RBM15: variants seen among roughly 807,000 people sequenced by gnomAD.
RBM15 encodes the protein RNA-binding protein 15.
A neutral mutation model predicts 62.6 loss-of-function variants in RBM15; 8 were observed. The ratio of observed to expected loss-of-function variants is 0.13; its 90% CI spans 0.07 to 0.23. The LOEUF (loss-of-function observed/expected upper bound fraction) is 0.23. Ranked by LOEUF, RBM15 falls within the 10% of genes least tolerant of loss-of-function variation. RBM15 has a pLI of 1.00. For synonymous variants in RBM15, 606 were observed against 505.7 expected (o/e 1.20, Z -2.66); for missense variants, 1,144 against 1,286.5 (o/e 0.89, Z 1.69).
Position 110,346,292 on chromosome 1 carries a change from T to TC in RBM15, c.*41-9dup, listed in dbSNP as rs759819138. The TC allele has an allele frequency of 6.9e-6, 11 of 1,596,116 alleles. No individual in the cohort carries two copies. The highest frequency in any genetic ancestry group is 6.7e-5 in the Admixed American group (4 of 59,864). On this transcript the variant is annotated splice_polypyrimidine_tract_variant and intron_variant, in intron 2 of 2. Transcript: ENST00000369784. ...ACATTTGTACTGAATAACCTTTTTTTCCCCCCCTCCGCAAGCAAAACTGGT... is the reference window on the plus strand; with the variant it reads ...ACATTTGTACTGAATAACCTTTTTTTCCCCCCCCTCCGCAAGCAAAACTGGT...
chr1:110,339,921 G>A lies in RBM15; in HGVS notation c.516G>A (p.Leu172=). ...GGGACGGCGCGGAATACAAGACTCT[G>A]AAGATAAGCGAGTTGGGGTCCCAGC... ...GGGDGAEYKT[L]KISELGSQLS... Residue 172 remains leucine (L), a synonymous_variant, in exon 1 of 3, where the codon CTG becomes CTA. Coordinates refer to ENST00000369784, the MANE Select transcript of RBM15 (RefSeq NM_022768.5). 1 of 1,613,758 alleles carries A rather than the reference G, an allele frequency of 6.2e-7. No individual in the cohort carries two copies. Among genetic ancestry groups the A allele is most frequent in the Non-Finnish European group, 8.5e-7 (1 of 1,179,644 alleles).
intron 1 of RBM15, 54 bp from the exon 2 acceptor site, chr1:110,345,485 G>A (rs1660878693): frequency 1.5e-6 from 2 of 1,315,974 alleles, no homozygotes; most frequent in Admixed American, 3.5e-5. Context: ...CCTTTTATGT[G>A]AAAAAAATTT....
chr1:110,344,897 A>G (rs1660869896), intron 1 of RBM15, among the ~76,000 whole-genome samples: 1 of 152,320 alleles, frequency 6.6e-6, no homozygotes, highest in East Asian at 1.9e-4. Flanking sequence ...TCATTTAATG[A>G]CTATTAAGTA....
chr1:110,341,548 G>A lies in RBM15; in HGVS notation c.2143G>A (p.Asp715Asn). The A allele has an allele frequency of 6.2e-7, 1 of 1,614,094 alleles. No homozygotes were observed. Among genetic ancestry groups the A allele is most frequent in the Non-Finnish European group, 8.5e-7 (1 of 1,180,034 alleles). ...RRGSLEKSQG[D>N]KRDRKNSASA... is the part of the protein sequence containing the mutation. ...AGGTAGTTTGGAGAAGAGCCAGGGT[G>A]ACAAGCGAGACCGTAAAAACTCTGC... The change falls in exon 1 of 3, where the codon GAC (aspartate) becomes AAC (asparagine). Residue 715 changes from aspartate to asparagine, a missense_variant. Asp to Asn is a conservative substitution (Grantham distance 23). Coordinates refer to ENST00000369784, the MANE Select transcript of RBM15 (RefSeq NM_022768.5). This position sits in a 1 kb window ranked among gnomAD's most constrained non-coding sequence, Gnocchi z 4.5.
chr1:110,346,260 A>G (rs753915035), intron 2 of RBM15, 48 bp from the exon 3 acceptor site: 54 of 1,547,792 alleles, frequency 3.5e-5, no homozygotes, highest in Non-Finnish European at 4.8e-5. Flanking sequence ...TATTTTTAAT[A>G]TTGTAAACAT....
At chr1:110,342,300 T>G in intron 1 of RBM15, 32 bp downstream of exon 1, 1 of 1,505,286 alleles carries the variant, frequency 6.6e-7, no homozygotes, top group Non-Finnish European at 8.9e-7. Flanking sequence ...TAACTTGTAT[T>G]TACTACTTTG....
At position 110,339,377 on chromosome 1, in the gene RBM15, G is replaced by A; in HGVS notation, c.-29G>A. Reference sequence around the variant, plus strand: ...AAGATAGACAAATAATTTTCCCAATGAGACTGTAGAAGAGAGAGCAATTGG... The same window carrying A: ...AAGATAGACAAATAATTTTCCCAATAAGACTGTAGAAGAGAGAGCAATTGG... On this transcript the variant is annotated 5_prime_UTR_variant, in exon 1 of 3. Transcript: ENST00000369784. 1.4e-6 allele frequency: 2 copies of A among 1,479,294 alleles called. No individual in the cohort carries two copies. The highest frequency in any genetic ancestry group is 1.8e-6 in the Non-Finnish European group (2 of 1,112,640). The allele number at this position is 1,479,294 out of a possible 1,614,324, so 91.6% of individuals were successfully genotyped here.
chr1:110,344,884 A>AT (rs1346784681), intron 1 of RBM15, among the ~76,000 whole-genome samples: 2 of 152,200 alleles, frequency 1.3e-5, no homozygotes, highest in Admixed American at 1.3e-4. Flanking sequence ...AAACTTCAGG[A>AT]TATCATTTAA....
At position 110,339,756 on chromosome 1, in the gene RBM15, C is replaced by A; in HGVS notation, c.351C>A (p.Gly117=). ...GCCGCGAGTATGATACCGGTGGGGG[C>A]AGCTCCAGTAGCCGCTTGCATAGTT... ...GGSREYDTGG[G]SSSSRLHSYS... is the part of the protein sequence containing the mutation. The change falls in exon 1 of 3, where the codon GGC becomes GGA. Residue 117 remains glycine (G), a synonymous_variant. Coordinates refer to ENST00000369784, the MANE Select transcript of RBM15 (RefSeq NM_022768.5). 6.2e-7 allele frequency: 1 copy of A among 1,611,298 alleles called. No homozygotes were observed. Among genetic ancestry groups the A allele is most frequent in the Non-Finnish European group, 8.5e-7 (1 of 1,178,606 alleles).
In RBM15 at chr1:110,339,468, G is replaced by A. The variant is rs771092218; in HGVS notation, c.63G>A (p.Pro21=). The A allele has an allele frequency of 2.0e-5, 31 of 1,561,168 alleles. No individual in the cohort carries two copies. The highest frequency in any genetic ancestry group is 2.5e-5 in the Non-Finnish European group (29 of 1,150,822). ...GTCCAAGATGGCGGCGTGCGGTTCC[G>A]CTGTGTGAAACGAGCGCGGGGCGGC... The part of the protein sequence containing the change: ...RRSPRWRRAV[P]LCETSAGRRV... Residue 21 remains proline, a synonymous_variant, in exon 1 of 3, where the codon CCG becomes CCA. Transcript: ENST00000369784.
At position 110,339,933 on chromosome 1, in the gene RBM15, G is replaced by A. The variant is rs2101138619; in HGVS notation, c.528G>A (p.Glu176=). The change falls in exon 1 of 3, where the codon GAG becomes GAA. Residue 176 remains glutamate (E), a synonymous_variant. Coordinates refer to ENST00000369784, the MANE Select transcript of RBM15 (RefSeq NM_022768.5). ...GAEYKTLKIS[E]LGSQLSDEAV... ...AATACAAGACTCTGAAGATAAGCGAGTTGGGGTCCCAGCTTAGTGACGAAG... is the reference window on the plus strand; with the variant it reads ...AATACAAGACTCTGAAGATAAGCGAATTGGGGTCCCAGCTTAGTGACGAAG... The A allele has an allele frequency of 1.2e-6, 2 of 1,613,940 alleles. No individual in the cohort carries two copies. Among genetic ancestry groups the A allele is most frequent in the Non-Finnish European group, 1.7e-6 (2 of 1,179,786 alleles).
At chr1:110,343,616 C>T (rs1028683751) in intron 1 of RBM15, among the ~76,000 whole-genome samples, 10 of 151,508 alleles carry the variant, frequency 6.6e-5, no homozygotes, top group African/African-American at 1.9e-4. Flanking sequence ...AATCTATCCC[C>T]TCTGTCCCAC....
In RBM15 at chr1:110,341,614, A is replaced by G. The variant is rs774060274; in HGVS notation, c.2209A>G (p.Thr737Ala). Residue 737 changes from threonine (T) to alanine (A), a missense_variant, in exon 1 of 3, where the codon ACT becomes GCT. This residue lies in a region of RBM15 where 360 missense variants were observed against 342.9 expected (regional missense o/e 1.05). Transcript: ENST00000369784. This position sits in a 1 kb window ranked among gnomAD's most constrained non-coding sequence, Gnocchi z 4.5. ...RDRKHRTTAP[T>A]EGKSPLKKED... ...TAGGAAGCACCGGACAACTGCTCCC[A>G]CTGAGGGAAAAAGCCCTCTGAAAAA... The G allele has an allele frequency of 3.7e-6, 6 of 1,614,146 alleles. No individual in the cohort carries two copies. Among genetic ancestry groups the G allele is most frequent in the African/African-American group, 1.3e-5 (1 of 75,028 alleles).
chr1:110,339,618 C>T lies in RBM15; in HGVS notation c.213C>T (p.Ser71=). ...ACTCGACTTCCCGCGGTGAGCGGAG[C>T]AAGAAGTTAGGGGGCTCTGGTGGCA... The part of the protein sequence containing the change: ...GEDSTSRGER[S]KKLGGSGGSN... The change falls in exon 1 of 3, where the codon AGC becomes AGT. Residue 71 remains serine (S), a synonymous_variant. Transcript: ENST00000369784. The T allele has an allele frequency of 1.2e-6, 2 of 1,612,510 alleles. No homozygotes were observed. The highest frequency in any genetic ancestry group is 1.7e-6 in the Non-Finnish European group (2 of 1,179,246).
chr1:110,342,551 T>A (rs1398645199), intron 1 of RBM15: 1 of 378,212 alleles, frequency 2.6e-6, no homozygotes, highest in African/African-American at 2.1e-5. Context: ...TATGAGTAAT[T>A]TTTTTTCTCT....
rs762946925 is a variant in RBM15, at chr1:110,342,066, A to G, written c.2661A>G (p.Pro887=). The part of the protein sequence containing the change: ...ASDTATSTQR[P]LRNLVSYLKQ... ...ACACTGCCACTTCTACTCAGAGGCC[A>G]CTTAGGAACCTTGTGTCCTATTTAA... The change falls in exon 1 of 3, where the codon CCA becomes CCG. Residue 887 remains proline, a synonymous_variant. Transcript: ENST00000369784. 6.2e-7 allele frequency: 1 copy of G among 1,614,238 alleles called. No homozygotes were observed. Among genetic ancestry groups the G allele is most frequent in the South Asian group, 1.1e-5 (1 of 91,086 alleles).
At chr1:110,345,823 A>G (rs1660886691) in intron 2 of RBM15, among the ~76,000 whole-genome samples, 174 bp downstream of exon 2, 1 of 152,140 alleles carries the variant, frequency 6.6e-6, no homozygotes, top group South Asian at 2.1e-4. Context: ...GGATTTTTAA[A>G]TGGCTTTGTA....
rs764023884 is a variant in RBM15, at chr1:110,341,647, C to G, written c.2242C>G (p.Arg748Gly). The G allele has an allele frequency of 1.6e-5, 26 of 1,614,036 alleles. No individual in the cohort carries two copies. Among genetic ancestry groups the G allele is most frequent in the Non-Finnish European group, 2.2e-5 (26 of 1,180,038 alleles). The change falls in exon 1 of 3, where the codon CGC becomes GGC. Residue 748 changes from arginine (R) to glycine (G), a missense_variant. Physicochemically the swap from Arg to Gly is moderately radical, Grantham distance 125. This residue lies in a region of RBM15 where 360 missense variants were observed against 342.9 expected (regional missense o/e 1.05). Transcript: ENST00000369784. The surrounding 1 kb of genome is among the most constrained non-coding windows in gnomAD (Gnocchi z 4.5). ...AAAAAGCCCTCTGAAAAAAGAAGAC[C>G]GCTCTGATGGGAGTGCACCTAGCAC... ...EGKSPLKKED[R>G]SDGSAPSTST...
chr1:110,340,583 C>T lies in RBM15; in HGVS notation c.1178C>T (p.Ala393Val), dbSNP rs1224759384. The change falls in exon 1 of 3, where the codon GCG becomes GTG. Residue 393 changes from alanine (A) to valine (V), a missense_variant. Ala to Val is a moderately conservative substitution (Grantham distance 64). This residue lies in a region of RBM15 where 105 missense variants were observed against 193.6 expected (regional missense o/e 0.54). Transcript: ENST00000369784. This position sits in a 1 kb window ranked among gnomAD's most constrained non-coding sequence, Gnocchi z 5.8. ...ITVTESDLRR[A>V]FDRFGVITEV... The stretch of plus-strand genomic sequence containing the variant: ...GTAACGGAGAGTGATTTAAGAAGGG[C>T]GTTTGATCGCTTTGGAGTCATCACA... The T allele has an allele frequency of 1.9e-5, 30 of 1,614,142 alleles. No individual in the cohort carries two copies. The highest frequency in any genetic ancestry group is 2.5e-5 in the Non-Finnish European group (30 of 1,180,018).
Sources: allele counts gnomAD v4.1 joint callset (sites outside exome capture counted in the v4.1 genomes callset), GRCh38; gene constraint gnomAD v4.1.1; regional missense constraint gnomAD v4.1.1; non-coding constraint Gnocchi (gnomAD v3.1); transcripts MANE v1.5; gene names NCBI Gene and HGNC (gene_info 2026-07-23, HGNC 2026-07-21).